The following NEMF variants were observed in gnomAD, a reference collection of about 807,000 sequenced individuals.
The protein encoded by NEMF is nuclear export mediator factor, also known as ribosome quality control complex subunit NEMF.
Under a neutral mutation model 162.2 loss-of-function variants are expected in NEMF, and 89 were observed. The ratio of observed to expected loss-of-function variants is 0.55; its 90% CI spans 0.46 to 0.65. The LOEUF (loss-of-function observed/expected upper bound fraction) is 0.65. Ranked by LOEUF, NEMF falls within the 30% of genes least tolerant of loss-of-function variation. NEMF has a pLI of 0.00. For synonymous variants in NEMF, 421 were observed against 404.5 expected, an observed-to-expected ratio of 1.04 and a Z score of -0.49; for missense variants, 1,133 against 1,261.9, an observed-to-expected ratio of 0.90 and a Z score of 1.55.
intron 16 of NEMF, among the ~76,000 whole-genome samples, chr14:49,822,731 C>CTGCAGGG (rs1892142043): frequency 6.8e-6 from 1 of 147,918 alleles, no homozygotes; most frequent in Non-Finnish European, 1.5e-5. Flanking sequence ...CATTTATGCA[C>CTGCAGGG]TGCAGGGATG....
chr14:49,839,074 T>TA (rs932984825), intron 5 of NEMF, among the ~76,000 whole-genome samples: 6 of 150,672 alleles, frequency 4.0e-5, no homozygotes, highest in Admixed American at 6.6e-5. Flanking sequence ...TTAATTTTTT[T>TA]TTTTTTATTT....
At position 49,784,937 on chromosome 14, in the gene NEMF, G is replaced by C. The variant is rs1306805503; in HGVS notation, c.3141C>G (p.Phe1047Leu). The C allele has an allele frequency of 9.9e-6, 16 of 1,613,436 alleles. No homozygotes were observed. The highest frequency in any genetic ancestry group is 1.4e-5 in the Non-Finnish European group (16 of 1,179,646). Residue 1047 changes from phenylalanine (F) to leucine (L), a missense_variant, in exon 32 of 33, where the codon TTC (phenylalanine) becomes TTG (leucine). Transcript: ENST00000298310. Reference sequence around the variant, plus strand: ...AGGAGAACTTTACCTTTACGCTGCGGAATAAGTCTTTTTCTCTTGCTGTTG... The same window carrying C: ...AGGAGAACTTTACCTTTACGCTGCGCAATAAGTCTTTTTCTCTTGCTGTTG... Reference protein sequence around the residue: ...KEATAREKDLFRSVKDTDLSR... With the variant: ...KEATAREKDLLRSVKDTDLSR...
intron 28 of NEMF, among the ~76,000 whole-genome samples, chr14:49,787,596 C>T (rs1466269349): frequency 1.3e-5 from 2 of 152,200 alleles, no homozygotes; most frequent in Non-Finnish European, 2.9e-5. Context: ...GAAGAGCCCT[C>T]GTGACTTCAC....
intron 16 of NEMF, among the ~76,000 whole-genome samples, chr14:49,821,783 C>T (rs546768564): frequency 1.0e-3 from 159 of 151,800 alleles, no homozygotes; most frequent in Middle Eastern, 6.8e-3. Context: ...CCCCTCTGCC[C>T]AGCCACCACC....
chr14:49,838,796 G>A (rs544172288), intron 5 of NEMF, among the ~76,000 whole-genome samples: 1 of 152,184 alleles, frequency 6.6e-6, no homozygotes, highest in South Asian at 2.1e-4. Context: ...GTGTTAGCCA[G>A]GATGGTCTCA....
At chr14:49,823,424 T>C (rs1892185677) in intron 16 of NEMF, among the ~76,000 whole-genome samples, 1 of 151,102 alleles carries the variant, frequency 6.6e-6, no homozygotes, top group African/African-American at 2.4e-5. Flanking sequence ...AAAAAAAAAG[T>C]CCTCTCTTTT....
intron 16 of NEMF, chr14:49,820,353 T>C (rs1891940588): frequency 2.2e-6 from 1 of 448,234 alleles, no homozygotes; most frequent in Non-Finnish European, 4.5e-6. Flanking sequence ...CTTTTGAGTT[T>C]GGTGCCATGA....
chr14:49,831,367 TA>T lies in NEMF; in HGVS notation c.883-7del. On this transcript the variant is annotated splice_region_variant and splice_polypyrimidine_tract_variant and intron_variant, in intron 10 of 32. Coordinates refer to ENST00000298310, the MANE Select transcript of NEMF (RefSeq NM_004713.6). ...GAATAAAATTCATCCACCGCCTTATTAAAAAAACAAACAACTAGTTGGAAAA... is the reference window on the plus strand; with the variant it reads ...GAATAAAATTCATCCACCGCCTTATTAAAAAACAAACAACTAGTTGGAAAA... 1 of 1,579,922 alleles carries T rather than the reference TA, an allele frequency of 6.3e-7. No individual in the cohort carries two copies. Among genetic ancestry groups the T allele is most frequent in the Non-Finnish European group, 8.7e-7 (1 of 1,151,412 alleles).
At chr14:49,841,697 G>A (rs189028769) in intron 4 of NEMF, among the ~76,000 whole-genome samples, 33 of 152,004 alleles carry the variant, frequency 2.2e-4, no homozygotes, top group African/African-American at 5.1e-4. Context: ...ATAGTTACAT[G>A]GCAAGAGCAA....
Position 49,802,713 on chromosome 14 carries a change from G to A in NEMF, c.1930C>T (p.Leu644Phe). ...CCCATCATTAGATATGAGGGAGGAA[G>A]AAAATTCTTTTTTCCTACAAAAGAT... ...SFMIRGKKNF[L>F]PPSYLMMGFS... Residue 644 changes from leucine to phenylalanine, a missense_variant, in exon 21 of 33, where the codon CTT becomes TTT. Coordinates refer to ENST00000298310, the MANE Select transcript of NEMF (RefSeq NM_004713.6). 1.9e-6 allele frequency: 3 copies of A among 1,609,570 alleles called. No individual in the cohort carries two copies. The highest frequency in any genetic ancestry group is 2.5e-6 in the Non-Finnish European group (3 of 1,177,090).
Position 49,821,155 on chromosome 14 carries a change from C to G in NEMF, c.1577+4712G>C, listed in dbSNP as rs550899149. Among the ~76,000 whole-genome samples, 2 of 14,026 alleles carry G rather than the reference C, an allele frequency of 1.4e-4. 1 individual carries two copies. 9.2% of individuals were successfully genotyped at this position (14,026 alleles called of 152,430 possible). ...GAGGAGCCCCTCCGCCCGGCTGCCA[C>G]CCCGTCTGGGAAGTGAGGAGCGTCT... On this transcript the variant is annotated intron_variant, in intron 16 of 32. Coordinates refer to ENST00000298310, the MANE Select transcript of NEMF (RefSeq NM_004713.6).
intron 16 of NEMF, among the ~76,000 whole-genome samples, chr14:49,825,252 T>A (rs959061278): frequency 3.3e-5 from 5 of 152,166 alleles, no homozygotes; most frequent in Non-Finnish European, 5.9e-5. Context: ...TGTGTGTATG[T>A]AATGGAACAC....
chr14:49,844,754 C>CACAA, intron 4 of NEMF: 1 of 309,134 alleles, frequency 3.2e-6, no homozygotes, highest in Non-Finnish European at 7.0e-6. Flanking sequence ...CACACACACA[C>CACAA]ACACACACAC....
chr14:49,832,405 C>A, intron 8 of NEMF, 128 bp from the exon 9 acceptor site: 1 of 608,996 alleles, frequency 1.6e-6, no homozygotes, highest in East Asian at 3.1e-5. Flanking sequence ...ATTCTCGGCT[C>A]ACTGCAACCT....
rs756198125 is a variant in NEMF, at chr14:49,838,236, A to G, written c.507-30T>C. 3.8e-5 allele frequency: 61 copies of G among 1,591,202 alleles called. No individual in the cohort carries two copies. In the South Asian group the frequency reaches 4.2e-4, roughly 11 times the overall value. On this transcript the variant is annotated intron_variant, in intron 5 of 32. Transcript: ENST00000298310. Reference sequence around the variant, plus strand: ...GAAACAAAACGGACATGCCTCTATCATATCTTAAATAAACCTTACAGCAAT... The same window carrying G: ...GAAACAAAACGGACATGCCTCTATCGTATCTTAAATAAACCTTACAGCAAT...
chr14:49,841,193 T>A, intron 4 of NEMF, among the ~76,000 whole-genome samples: 1 of 52,890 alleles, frequency 1.9e-5, no homozygotes, highest in East Asian at 5.3e-4. Context: ...GCAAACTCTG[T>A]CTCAAAAAAA....
intron 15 of NEMF, among the ~76,000 whole-genome samples, chr14:49,827,779 C>G (rs1003202526): frequency 6.6e-6 from 1 of 151,656 alleles, no homozygotes; most frequent in African/African-American, 2.4e-5. Flanking sequence ...AGCCATTGCA[C>G]TCCAGCCTGA....
chr14:49,814,755 T>G lies in NEMF; in HGVS notation c.1680A>C (p.Pro560=), dbSNP rs752343416. ...NEIIVKRYLT[P]GDIYVHADLH... ...TTTCCGAATTTTAATCTTACCTACC[T>G]GGTGTCAAGTATCTTTTCACAATTA... Residue 560 remains proline, a splice_region_variant and synonymous_variant, in exon 17 of 33, where the codon CCA becomes CCC. Coordinates refer to ENST00000298310, the MANE Select transcript of NEMF (RefSeq NM_004713.6). 1 of 1,546,806 alleles carries G rather than the reference T, an allele frequency of 6.5e-7. No homozygotes were observed. The highest frequency in any genetic ancestry group is 2.3e-5 in the East Asian group (1 of 42,600).
chr14:49,794,848 A>G (rs999044994), intron 26 of NEMF, among the ~76,000 whole-genome samples: 21 of 151,648 alleles, frequency 1.4e-4, no homozygotes, highest in African/African-American at 5.1e-4. Context: ...CCTCTCGAGT[A>G]GCTGGGACTA....
Sources: allele counts gnomAD v4.1 joint callset (sites outside exome capture counted in the v4.1 genomes callset), GRCh38; gene constraint gnomAD v4.1.1; transcripts MANE v1.5; gene names NCBI Gene and HGNC (gene_info 2026-07-23, HGNC 2026-07-21).